Variants in WWOX observed in about 807,000 individuals in gnomAD.
The protein encoded by WWOX is WW domain-containing oxidoreductase.
Under a neutral mutation model 46.2 loss-of-function variants are expected in WWOX, and 69 were observed. The ratio of observed to expected loss-of-function variants is 1.49; its 90% CI spans 1.23 to 1.82. The LOEUF (loss-of-function observed/expected upper bound fraction) is 1.82, where lower values mean the gene tolerates loss of function less well. Among genes scored for constraint, WWOX ranks in the 40% most tolerant of loss-of-function variants. The probability of loss-of-function intolerance (pLI) is 0.00; values close to 1 mark genes in which losing one functional copy is unlikely to be tolerated. For missense variants in WWOX, 919 were observed against 542.6 expected, an observed-to-expected ratio of 1.69 and a Z score of -6.89; for synonymous variants, 359 against 202.6, an observed-to-expected ratio of 1.77 and a Z score of -6.56.
chr16:78,835,866 A>T (rs1290645728), intron 8 of WWOX, among the ~76,000 whole-genome samples: 1 of 152,050 alleles, frequency 6.6e-6, no homozygotes, highest in Admixed American at 6.5e-5. Flanking sequence ...CAACATATTT[A>T]TTTTTTTGTT....
intron 8 of WWOX, chr16:78,898,938 T>G (rs941220094): frequency 6.6e-6 from 1 of 152,174 alleles, no homozygotes; most frequent in Non-Finnish European, 1.5e-5. Flanking sequence ...AGAAATACAG[T>G]TGATTCTAGC....
intron 8 of WWOX, among the ~76,000 whole-genome samples, chr16:78,894,968 C>T (rs558914677): frequency 6.6e-6 from 1 of 152,166 alleles, no homozygotes; most frequent in African/African-American, 2.4e-5. Context: ...CAGGATCCAC[C>T]TCCACAACTA....
chr16:79,079,059 T>C (rs1446237605), intron 8 of WWOX, among the ~76,000 whole-genome samples: 6 of 152,212 alleles, frequency 3.9e-5, no homozygotes, highest in Admixed American at 6.5e-5. Context: ...ATAACAACTT[T>C]ACAATTAGTG....
At chr16:78,654,825 G>C (rs769540623) in intron 8 of WWOX, among the ~76,000 whole-genome samples, 1 of 151,502 alleles carries the variant, frequency 6.6e-6, no homozygotes, top group African/African-American at 2.4e-5. Flanking sequence ...ATAGACCAGT[G>C]ATTCTTCAGT....
chr16:78,783,010 C>A (rs774839010), intron 8 of WWOX, among the ~76,000 whole-genome samples: 7 of 152,252 alleles, frequency 4.6e-5, no homozygotes, highest in Admixed American at 2.6e-4. Flanking sequence ...AATACTGAAT[C>A]CTAGTGTGAT....
At chr16:78,737,362 C>G (rs2049115718) in intron 8 of WWOX, among the ~76,000 whole-genome samples, 1 of 146,794 alleles carries the variant, frequency 6.8e-6, no homozygotes, top group Non-Finnish European at 1.5e-5. Flanking sequence ...TCTCGAACTT[C>G]TGACCTCAGA....
At chr16:78,687,574 G>C (rs562481535) in intron 8 of WWOX, among the ~76,000 whole-genome samples, 75 of 147,982 alleles carry the variant, frequency 5.1e-4, no homozygotes, top group African/African-American at 1.8e-3. Context: ...TATGAGGTTG[G>C]GTAATGAAGA....
At chr16:78,421,842 G>A (rs775871536) in intron 6 of WWOX, among the ~76,000 whole-genome samples, 1 of 152,082 alleles carries the variant, frequency 6.6e-6, no homozygotes, top group South Asian at 2.1e-4. Flanking sequence ...AATTTTTGCT[G>A]CCCCTGCTAC....
At chr16:78,735,687 C>A (rs914297944) in intron 8 of WWOX, among the ~76,000 whole-genome samples, 10 of 152,200 alleles carry the variant, frequency 6.6e-5, no homozygotes, top group African/African-American at 2.4e-4. Flanking sequence ...GTCACCACGG[C>A]CACCGTGATG....
intron 5 of WWOX, among the ~76,000 whole-genome samples, chr16:78,295,884 C>A (rs181446444): frequency 1.3e-5 from 2 of 152,190 alleles, no homozygotes; most frequent in African/African-American, 4.8e-5. Flanking sequence ...CTAGCAAGTT[C>A]CCAGATGATG....
intron 8 of WWOX, among the ~76,000 whole-genome samples, chr16:78,945,870 C>T (rs1388061221): frequency 6.6e-6 from 1 of 152,108 alleles, no homozygotes; most frequent in Non-Finnish European, 1.5e-5. Context: ...GATAAGGAGC[C>T]AGTCCTGGCT....
chr16:79,025,845 C>A (rs1211456902), intron 8 of WWOX, among the ~76,000 whole-genome samples: 1 of 117,354 alleles, frequency 8.5e-6, no homozygotes, highest in Admixed American at 1.2e-4. Context: ...GTCGCCTAGG[C>A]TGGAGTGCAA....
At chr16:78,807,635 A>C (rs2051077481) in intron 8 of WWOX, among the ~76,000 whole-genome samples, 1 of 152,224 alleles carries the variant, frequency 6.6e-6, no homozygotes, top group Non-Finnish European at 1.5e-5. Flanking sequence ...GGCTTATGGA[A>C]AGAAATATTC....
At chr16:79,108,914 A>G (rs960446502) in intron 8 of WWOX, among the ~76,000 whole-genome samples, 1 of 151,938 alleles carries the variant, frequency 6.6e-6, no homozygotes, top group Non-Finnish European at 1.5e-5. Flanking sequence ...AAATTTAAAA[A>G]AAAAAGTTTT....
intron 8 of WWOX, among the ~76,000 whole-genome samples, chr16:79,048,830 A>C (rs2048113345): frequency 6.6e-6 from 1 of 152,138 alleles, no homozygotes; most frequent in African/African-American, 2.4e-5. Flanking sequence ...CCAGCATTGT[A>C]GCTGCCCTGA....
intron 8 of WWOX, among the ~76,000 whole-genome samples, chr16:78,570,531 C>G (rs939869426): frequency 3.9e-5 from 6 of 151,966 alleles, no homozygotes; most frequent in African/African-American, 1.5e-4. Context: ...TCAGGCTGGT[C>G]TCATATGCCT....
At chr16:79,206,835 A>G (rs2051528779) in intron 8 of WWOX, 1 of 134,950 alleles carries the variant, frequency 7.4e-6, no homozygotes. Context: ...TCATTCCTGT[A>G]TAGGCTGCAT....
At chr16:78,377,071 C>G (rs1269768945) in intron 5 of WWOX, among the ~76,000 whole-genome samples, 3 of 152,226 alleles carry the variant, frequency 2.0e-5, no homozygotes, top group Admixed American at 6.5e-5. Context: ...TTTCTTTTAT[C>G]ACTGACTTCC....
intron 8 of WWOX, among the ~76,000 whole-genome samples, chr16:78,554,198 G>A (rs1243382031): frequency 6.6e-6 from 1 of 152,150 alleles, no homozygotes; most frequent in African/African-American, 2.4e-5. Flanking sequence ...GCAGGGATGG[G>A]GAGGACTTGG....
Sources: allele counts gnomAD v4.1 joint callset (sites outside exome capture counted in the v4.1 genomes callset), GRCh38; gene constraint gnomAD v4.1.1; transcripts MANE v1.5; gene names NCBI Gene and HGNC (gene_info 2026-07-23, HGNC 2026-07-21).